CNTLN: variants seen among roughly 807,000 people sequenced by gnomAD.
CNTLN encodes centlein, centrosomal protein.
CNTLN carries 212 observed loss-of-function variants against 180.0 expected under a neutral mutation model. That is an observed-to-expected ratio of 1.18 (90% CI 1.05 to 1.32). CNTLN has a LOEUF of 1.32. Ranked by LOEUF, CNTLN falls within the 40% of genes most tolerant of loss-of-function variation. The pLI is 0.00. For missense variants in CNTLN, 2,095 were observed against 1,610.9 expected, an observed-to-expected ratio of 1.30 and a Z score of -5.14; for synonymous variants, 722 against 563.1, an observed-to-expected ratio of 1.28 and a Z score of -3.99.
chr9:17,210,560 A>C (rs989742979), intron 2 of CNTLN, among the ~76,000 whole-genome samples: 5 of 152,174 alleles, frequency 3.3e-5, no homozygotes, highest in African/African-American at 1.2e-4. Flanking sequence ...ATGATTTATA[A>C]TCTTTTGGGT....
At chr9:17,148,332 A>G (rs909695513) in intron 2 of CNTLN, among the ~76,000 whole-genome samples, 3 of 152,186 alleles carry the variant, frequency 2.0e-5, no homozygotes, top group African/African-American at 4.8e-5. Context: ...ACACTGAACT[A>G]TTACTCCTAG....
At chr9:17,258,361 T>TA (rs1826675732) in intron 5 of CNTLN, among the ~76,000 whole-genome samples, 1 of 150,502 alleles carries the variant, frequency 6.6e-6, no homozygotes, top group South Asian at 2.1e-4. Flanking sequence ...ACCAGTACCA[T>TA]GCTGTTTTGG....
At chr9:17,326,027 G>C (rs1005299904) in intron 8 of CNTLN, among the ~76,000 whole-genome samples, 5 of 151,994 alleles carry the variant, frequency 3.3e-5, no homozygotes, top group African/African-American at 1.2e-4. Flanking sequence ...ATAGTAATTT[G>C]TATAACACCT....
chr9:17,294,450 G>C (rs891576219), intron 6 of CNTLN, among the ~76,000 whole-genome samples: 1 of 151,890 alleles, frequency 6.6e-6, no homozygotes. Flanking sequence ...TTTAGATACA[G>C]AGTGCTGATT....
At chr9:17,177,882 C>G (rs147163294) in intron 2 of CNTLN, among the ~76,000 whole-genome samples, 2 of 152,100 alleles carry the variant, frequency 1.3e-5, no homozygotes, top group African/African-American at 2.4e-5. Flanking sequence ...GCTCAGGCAG[C>G]GGTGCTTTTA....
At chr9:17,316,416 C>G (rs1050695956) in intron 8 of CNTLN, among the ~76,000 whole-genome samples, 1 of 152,002 alleles carries the variant, frequency 6.6e-6, no homozygotes, top group African/African-American at 2.4e-5. Flanking sequence ...AATTTGAGGG[C>G]TTAATGTATG....
In CNTLN at chr9:17,135,358, TG is replaced by T; in HGVS notation, c.295del (p.Val99Ter). On this transcript the variant is annotated frameshift_variant, in exon 1 of 26. Transcript: ENST00000380647. LOFTEE classifies it high-confidence loss of function. ...RLEGISVEEA[M>X]VTRTQLLEEE... The stretch of plus-strand genomic sequence containing the variant: ...GAGGGCATCTCGGTAGAGGAGGCGA[TG>T]GTGACCCGGACGCAGCTGCTGGAGG... 6.2e-7 allele frequency: 1 copy of T among 1,600,834 alleles called. No homozygotes were observed. The highest frequency in any genetic ancestry group is 1.7e-5 in the Admixed American group (1 of 57,592).
At chr9:17,149,795 G>A (rs889002150) in intron 2 of CNTLN, among the ~76,000 whole-genome samples, 1 of 152,034 alleles carries the variant, frequency 6.6e-6, no homozygotes, top group Admixed American at 6.6e-5. Context: ...GGGATTACAG[G>A]CATGAGCCAC....
chr9:17,335,456 G>A (rs149927068), intron 10 of CNTLN, among the ~76,000 whole-genome samples: 2,803 of 152,264 alleles, frequency 0.018, 88 homozygotes, highest in African/African-American at 0.064. Context: ...GGCAGAGGTT[G>A]CAGTGAGTCG....
At chr9:17,291,387 T>G (rs973256775) in intron 6 of CNTLN, among the ~76,000 whole-genome samples, 1 of 152,160 alleles carries the variant, frequency 6.6e-6, no homozygotes, top group African/African-American at 2.4e-5. Flanking sequence ...GTGATCTGTC[T>G]AATATTGACA....
intron 1 of CNTLN, among the ~76,000 whole-genome samples, chr9:17,137,076 C>G (rs1189116290): frequency 6.6e-6 from 1 of 152,164 alleles, no homozygotes; most frequent in African/African-American, 2.4e-5. Flanking sequence ...CCTCTTCCCA[C>G]AAATACTTAC....
At chr9:17,411,204 C>A (rs1827817164) in intron 16 of CNTLN, among the ~76,000 whole-genome samples, 1 of 152,048 alleles carries the variant, frequency 6.6e-6, no homozygotes, top group African/African-American at 2.4e-5. Flanking sequence ...GGCCTGGATA[C>A]CTGAAATCCC....
chr9:17,201,999 G>A (rs548128944), intron 2 of CNTLN, among the ~76,000 whole-genome samples: 79 of 152,206 alleles, frequency 5.2e-4, no homozygotes, highest in Non-Finnish European at 9.0e-4. Context: ...TCTTAACACT[G>A]CTTTAGACGT....
intron 18 of CNTLN, among the ~76,000 whole-genome samples, chr9:17,454,238 A>T (rs1019802921): frequency 1.1e-4 from 16 of 152,168 alleles, no homozygotes; most frequent in Non-Finnish European, 5.9e-5. Context: ...TTATTAATAG[A>T]TAGTGTCTAG....
intron 18 of CNTLN, among the ~76,000 whole-genome samples, chr9:17,441,360 A>C (rs1452979270): frequency 6.6e-6 from 1 of 152,218 alleles, no homozygotes; most frequent in Non-Finnish European, 1.5e-5. Flanking sequence ...ATTAAAAAAC[A>C]TAACTAAAAA....
At chr9:17,287,909 T>G (rs1829092854) in intron 6 of CNTLN, among the ~76,000 whole-genome samples, 1 of 146,366 alleles carries the variant, frequency 6.8e-6, no homozygotes, top group African/African-American at 2.7e-5. Flanking sequence ...TTTTTCTTTA[T>G]TAGTCTTGCT....
the CNTLN span, among the ~76,000 whole-genome samples, chr9:17,517,006 T>C: frequency 6.6e-6 from 1 of 151,692 alleles, no homozygotes; most frequent in African/African-American, 2.4e-5. Context: ...AAATGTTACA[T>C]TCCTAAAGTA....
intron 5 of CNTLN, among the ~76,000 whole-genome samples, chr9:17,257,614 T>C (rs2132328617): frequency 6.6e-6 from 1 of 151,490 alleles, no homozygotes; most frequent in Admixed American, 6.6e-5. Flanking sequence ...GTGTTCCTAT[T>C]TCTCCGCATC....
chr9:17,223,238 T>TA (rs2132063799), intron 2 of CNTLN, among the ~76,000 whole-genome samples: 2 of 152,178 alleles, frequency 1.3e-5, no homozygotes, highest in South Asian at 4.2e-4. Context: ...ACTTATCATT[T>TA]AATATTTTTG....
Sources: gnomAD v4.1 joint callset for allele counts (sites outside exome capture counted in the v4.1 genomes callset) on GRCh38, gnomAD v4.1.1 for gene constraint, MANE v1.5 for transcripts, NCBI Gene and HGNC (gene_info 2026-07-23, HGNC 2026-07-21) for gene names.